The following GRM5 variants were observed in gnomAD, a reference collection of about 807,000 sequenced individuals.
GRM5 encodes the protein metabotropic glutamate receptor 5.
A neutral mutation model predicts 83.1 loss-of-function variants in GRM5; 19 were observed. That is an observed-to-expected ratio of 0.23 (90% CI 0.16 to 0.34). The LOEUF (loss-of-function observed/expected upper bound fraction) is 0.34, where lower values mean the gene tolerates loss of function less well. GRM5 is among the 10% of genes least tolerant of loss of function. GRM5 has a pLI of 1.00. For synonymous variants in GRM5, 675 were observed against 633.6 expected (o/e 1.07, Z -0.98); for missense variants, 1,160 against 1,588.3 (o/e 0.73, Z 4.58).
At chr11:88,801,011 ATGCT>A (rs1201106277) in intron 3 of GRM5, among the ~76,000 whole-genome samples, 1 of 152,138 alleles carries the variant, frequency 6.6e-6, no homozygotes, top group East Asian at 1.9e-4. Flanking sequence ...CTACTGATAA[ATGCT>A]ATATGCTTCA....
intron 8 of GRM5, among the ~76,000 whole-genome samples, chr11:88,541,863 T>C (rs1258057770): frequency 6.6e-6 from 1 of 152,192 alleles, no homozygotes; most frequent in African/African-American, 2.4e-5. Flanking sequence ...AATCCCCATG[T>C]GTGGAGGAAG....
chr11:89,043,909 G>A (rs1458932588), intron 2 of GRM5, among the ~76,000 whole-genome samples: 1 of 152,122 alleles, frequency 6.6e-6, no homozygotes, highest in East Asian at 1.9e-4. Context: ...ACACAAACTA[G>A]GAAGAAAGTT....
intron 2 of GRM5, among the ~76,000 whole-genome samples, chr11:88,863,265 T>C (rs1297405325): frequency 2.6e-5 from 4 of 152,150 alleles, no homozygotes; most frequent in South Asian, 2.1e-4. Context: ...ACTGAGTATA[T>C]ACCCAAAGGA....
chr11:88,955,005 T>A (rs1387241465), intron 2 of GRM5, among the ~76,000 whole-genome samples: 2 of 152,260 alleles, frequency 1.3e-5, no homozygotes, highest in East Asian at 3.8e-4. Context: ...ACTAAGTTCC[T>A]GAAAAATGAT....
intron 2 of GRM5, among the ~76,000 whole-genome samples, chr11:88,914,676 T>C (rs1327358662): frequency 5.3e-5 from 8 of 152,222 alleles, no homozygotes; most frequent in Non-Finnish European, 1.2e-4. Context: ...CCATATCTTA[T>C]CCTGTACTTT....
At chr11:88,628,578 G>T (rs1323220831) in intron 4 of GRM5, among the ~76,000 whole-genome samples, 2 of 152,158 alleles carry the variant, frequency 1.3e-5, no homozygotes, top group African/African-American at 2.4e-5. Context: ...AATTGGCAGG[G>T]TCAGTGGGAA....
At chr11:88,909,855 G>A (rs576380719) in intron 2 of GRM5, among the ~76,000 whole-genome samples, 73 of 152,120 alleles carry the variant, frequency 4.8e-4, no homozygotes, top group African/African-American at 1.6e-3. Context: ...GGACAAATAC[G>A]ATTTTTCCTG....
intron 2 of GRM5, among the ~76,000 whole-genome samples, chr11:88,966,711 C>A (rs1173936358): frequency 6.6e-6 from 1 of 152,140 alleles, no homozygotes; most frequent in Non-Finnish European, 1.5e-5. Flanking sequence ...ACCTCAAGTT[C>A]ATGGACTTCA....
chr11:89,044,126 A>G (rs1941591931), intron 2 of GRM5, among the ~76,000 whole-genome samples: 1 of 152,200 alleles, frequency 6.6e-6, no homozygotes, highest in Admixed American at 6.5e-5. Flanking sequence ...TTGCAAAAGT[A>G]CTAAGGCAAA....
rs80121376 is a variant in GRM5, at chr11:88,558,674, C to T, written c.2630+8379G>A. 3.8e-3 allele frequency among the ~76,000 whole-genome samples: 568 copies of T among 151,406 alleles called. 10 individuals are homozygous for T. Among genetic ancestry groups the T allele is most frequent in the Admixed American group, 0.029 (436 of 15,184 alleles). ...AAAATTAGCTGGGTGTGGTGGTGCG[C>T]GCTTATAGTCCCACAACTTGGGAGG... On this transcript the variant is annotated intron_variant, in intron 8 of 9. Transcript: ENST00000305447.
chr11:88,603,673 C>G (rs975613938), intron 5 of GRM5, among the ~76,000 whole-genome samples: 1 of 152,110 alleles, frequency 6.6e-6, no homozygotes, highest in African/African-American at 2.4e-5. Context: ...GCTGTATGAC[C>G]TGAAACTAGC....
intron 3 of GRM5, among the ~76,000 whole-genome samples, chr11:88,740,224 G>C (rs1487929078): frequency 6.6e-6 from 1 of 151,810 alleles, no homozygotes; most frequent in East Asian, 1.9e-4. Flanking sequence ...TATTATTTTG[G>C]TGTTTACCAC....
intron 2 of GRM5, among the ~76,000 whole-genome samples, chr11:88,898,338 G>A (rs533520099): frequency 3.3e-5 from 5 of 151,880 alleles, no homozygotes; most frequent in East Asian, 1.9e-4. Context: ...CTCTGTAAAG[G>A]CCCTATTAAA....
intron 2 of GRM5, among the ~76,000 whole-genome samples, chr11:88,945,448 C>G (rs1429831398): frequency 6.6e-6 from 1 of 151,868 alleles, no homozygotes; most frequent in Non-Finnish European, 1.5e-5. Context: ...CAACTCTAAC[C>G]AAAAAGAACA....
intron 2 of GRM5, among the ~76,000 whole-genome samples, chr11:88,983,890 C>A (rs968576390): frequency 1.3e-5 from 2 of 151,118 alleles, no homozygotes; most frequent in Non-Finnish European, 3.0e-5. Context: ...CTTTGTAGAC[C>A]GAAGCTAATG....
intron 3 of GRM5, among the ~76,000 whole-genome samples, chr11:88,658,851 T>G (rs2135314539): frequency 6.6e-6 from 1 of 152,016 alleles, no homozygotes; most frequent in South Asian, 2.1e-4. Context: ...AGAGAATCAG[T>G]TGTGAGTGTT....
chr11:88,728,695 C>A (rs1273749380), intron 3 of GRM5, among the ~76,000 whole-genome samples: 2 of 151,876 alleles, frequency 1.3e-5, no homozygotes, highest in Non-Finnish European at 2.9e-5. Flanking sequence ...TCGGCTTCAT[C>A]CCTGGGATGC....
intron 4 of GRM5, among the ~76,000 whole-genome samples, chr11:88,618,931 G>A (rs1392084627): frequency 2.6e-5 from 4 of 152,162 alleles, no homozygotes; most frequent in African/African-American, 9.7e-5. Context: ...TCTCTGGCTG[G>A]ATCTGCCTCA....
chr11:89,027,756 T>A (rs1941160703), intron 2 of GRM5, among the ~76,000 whole-genome samples: 1 of 152,250 alleles, frequency 6.6e-6, no homozygotes, highest in Non-Finnish European at 1.5e-5. Flanking sequence ...ATGTATTTAT[T>A]TGACCTCCAT....
Sources: allele counts gnomAD v4.1 joint callset (sites outside exome capture counted in the v4.1 genomes callset), GRCh38; gene constraint gnomAD v4.1.1; transcripts MANE v1.5; gene names NCBI Gene and HGNC (gene_info 2026-07-23, HGNC 2026-07-21).